Variants in CLASP1 observed in about 807,000 individuals in gnomAD.
CLASP1 encodes CLIP-associating protein 1.
In CLASP1, 38 loss-of-function variants were observed where a neutral mutation model predicts 192.3. The observed-to-expected ratio is 0.20, with a 90% CI of 0.15 to 0.26. The LOEUF (loss-of-function observed/expected upper bound fraction) is 0.26. Among genes scored for constraint, CLASP1 ranks in the 10% least tolerant of loss-of-function variants. CLASP1 has a pLI of 1.00. For missense variants in CLASP1, 1,433 were observed against 1,932.5 expected, an observed-to-expected ratio of 0.74 and a Z score of 4.85; for synonymous variants, 691 against 712.8, an observed-to-expected ratio of 0.97 and a Z score of 0.49.
At chr2:121,558,629 C>T (rs1459305105) in intron 2 of CLASP1, among the ~76,000 whole-genome samples, 1 of 152,198 alleles carries the variant, frequency 6.6e-6, no homozygotes, top group Non-Finnish European at 1.5e-5. Context: ...AGAAAATGCC[C>T]ACCAGCTAGA....
rs566754247 is a variant in CLASP1, at chr2:121,596,637, G to A, written c.195+9064C>T. Among the ~76,000 whole-genome samples, 18 of 152,244 alleles carry A rather than the reference G, an allele frequency of 1.2e-4. No individual in the cohort carries two copies. The South Asian group carries it at 2.1e-3, about 18-fold the overall frequency. On this transcript the variant is annotated intron_variant, in intron 2 of 39. Transcript: ENST00000263710. ...ACTACATCTTTTACAGTCTACCAAG[G>A]AAGTGCTAACCAGAAAGGGAGAAAC...
chr2:121,510,842 A>G (rs1031372900), intron 7 of CLASP1, among the ~76,000 whole-genome samples: 1 of 151,992 alleles, frequency 6.6e-6, no homozygotes, highest in Non-Finnish European at 1.5e-5. Context: ...AAATTAAATA[A>G]ATGGACGAAT....
At chr2:121,488,004 T>C (rs949270066) in intron 8 of CLASP1, among the ~76,000 whole-genome samples, 1 of 152,148 alleles carries the variant, frequency 6.6e-6, no homozygotes, top group African/African-American at 2.4e-5. Flanking sequence ...CCACTGTTGT[T>C]TTGTTTTGCT....
intron 19 of CLASP1, among the ~76,000 whole-genome samples, chr2:121,438,152 G>C (rs951297681): frequency 1.3e-5 from 2 of 152,192 alleles, no homozygotes; most frequent in African/African-American, 4.8e-5. Context: ...CGAGGAATTA[G>C]ATTTGAGAGT....
At chr2:121,580,675 C>T (rs1334316820) in intron 2 of CLASP1, among the ~76,000 whole-genome samples, 1 of 152,308 alleles carries the variant, frequency 6.6e-6, no homozygotes, top group South Asian at 2.1e-4. Context: ...ACACATTTAT[C>T]TTATATTCTC....
chr2:121,484,483 T>C (rs772041653), intron 8 of CLASP1, among the ~76,000 whole-genome samples: 2 of 152,192 alleles, frequency 1.3e-5, no homozygotes, highest in Non-Finnish European at 2.9e-5. Flanking sequence ...AAAGTCAGCC[T>C]TGCTGGGCAC....
intron 35 of CLASP1, among the ~76,000 whole-genome samples, chr2:121,366,743 C>G (rs553734603): frequency 6.6e-6 from 1 of 152,348 alleles, no homozygotes; most frequent in South Asian, 2.1e-4. Flanking sequence ...AGAAATAAAA[C>G]AGGCTTCAAA....
intron 2 of CLASP1, chr2:121,530,707 TTTTGCG>T: frequency 2.0e-6 from 1 of 510,690 alleles, no homozygotes; most frequent in Non-Finnish European, 3.5e-6. Context: ...GAGCCGCCGC[TTTTGCG>T]ACCCTTCGGG....
At chr2:121,382,124 G>A in intron 33 of CLASP1, 84 bp downstream of exon 34, 1 of 1,063,610 alleles carries the variant, frequency 9.4e-7, no homozygotes, top group East Asian at 2.6e-5. Flanking sequence ...AGGCAGCTTA[G>A]AGGCTTTCCC....
At chr2:121,529,170 T>A (rs183799577) in intron 3 of CLASP1, among the ~76,000 whole-genome samples, 2 of 152,324 alleles carry the variant, frequency 1.3e-5, no homozygotes, top group East Asian at 3.9e-4. Flanking sequence ...TGGGCACTTA[T>A]GAATAAATCT....
At chr2:121,644,301 C>A (rs973160468) in intron 1 of CLASP1, among the ~76,000 whole-genome samples, 2 of 151,162 alleles carry the variant, frequency 1.3e-5, no homozygotes, top group African/African-American at 4.9e-5. Flanking sequence ...ATATTCTGGT[C>A]AGGTCATATC....
chr2:121,565,835 A>C (rs1189014063), intron 2 of CLASP1, among the ~76,000 whole-genome samples: 1 of 152,252 alleles, frequency 6.6e-6, no homozygotes, highest in Non-Finnish European at 1.5e-5. Flanking sequence ...AACGGCCCTA[A>C]AACTTGTTCT....
chr2:121,579,460 T>C (rs139473760), intron 2 of CLASP1, among the ~76,000 whole-genome samples: 9 of 152,344 alleles, frequency 5.9e-5, no homozygotes, highest in Non-Finnish European at 1.2e-4. Flanking sequence ...AAGAAACCGT[T>C]ATCCATTAGC....
At position 121,449,176 on chromosome 2, in the gene CLASP1, C is replaced by T; in HGVS notation, c.1524-56G>A. 2.6e-6 allele frequency: 4 copies of T among 1,522,244 alleles called. No homozygotes were observed. The South Asian group carries it at 3.5e-5, about 13-fold the overall frequency. 94.3% of individuals were successfully genotyped at this position (1,522,244 alleles called of 1,614,324 possible). ...TTCAAGGATCCAAACAGGTCTTTTG[C>T]TGAACTCTGGAGTACACCACAGAAG... On this transcript the variant is annotated intron_variant, in intron 16 of 39. Transcript: ENST00000263710.
intron 2 of CLASP1, among the ~76,000 whole-genome samples, chr2:121,565,556 C>T (rs1395728830): frequency 6.6e-6 from 1 of 152,212 alleles, no homozygotes; most frequent in African/African-American, 2.4e-5. Context: ...AAGCTCTGCC[C>T]TGAAGCCACT....
exon 35 of CLASP1, chr2:121,367,826 G>A (rs773579904): frequency 7.4e-6 from 12 of 1,612,904 alleles, no homozygotes; most frequent in Non-Finnish European, 1.0e-5. Flanking sequence ...CCCCATCGCG[G>A]GACACCTGCA....
chr2:121,422,927 C>T (rs944707384), intron 22 of CLASP1, among the ~76,000 whole-genome samples: 2 of 151,988 alleles, frequency 1.3e-5, no homozygotes, highest in East Asian at 3.9e-4. Context: ...GATGTTCCTC[C>T]TCTTTTTTTC....
At chr2:121,529,711 C>G (rs1350939154) in intron 3 of CLASP1, among the ~76,000 whole-genome samples, 2 of 152,134 alleles carry the variant, frequency 1.3e-5, no homozygotes, top group Non-Finnish European at 2.9e-5. Flanking sequence ...ATTTACTATA[C>G]ATTTGTAATG....
At chr2:121,621,590 C>G (rs923287607) in intron 1 of CLASP1, among the ~76,000 whole-genome samples, 1 of 152,162 alleles carries the variant, frequency 6.6e-6, no homozygotes, top group Non-Finnish European at 1.5e-5. Flanking sequence ...ACCTAATTGT[C>G]CTTGCACTTT....
Sources: gnomAD v4.1 joint callset for allele counts (sites outside exome capture counted in the v4.1 genomes callset) on GRCh38, gnomAD v4.1.1 for gene constraint, MANE v1.5 for transcripts, NCBI Gene and HGNC (gene_info 2026-07-23, HGNC 2026-07-21) for gene names.